Variants in UNC79 observed in about 807,000 individuals in gnomAD.
The protein encoded by UNC79 is unc-79 subunit of NALCN channel complex.
A neutral mutation model predicts 283.1 loss-of-function variants in UNC79; 37 were observed. That is an observed-to-expected ratio of 0.13 (90% CI 0.10 to 0.17). The LOEUF (loss-of-function observed/expected upper bound fraction) is 0.17. Among genes scored for constraint, UNC79 ranks in the 10% least tolerant of loss-of-function variants. The pLI, the probability that UNC79 is intolerant of heterozygous loss-of-function variation, is 1.00. For synonymous variants in UNC79, 1,107 were observed against 1,200.2 expected (o/e 0.92, Z 1.61); for missense variants, 2,272 against 3,211.1 (o/e 0.71, Z 7.07).
intron 5 of UNC79, among the ~76,000 whole-genome samples, chr14:93,493,512 G>C (rs1048740986): frequency 6.6e-6 from 1 of 152,160 alleles, no homozygotes; most frequent in African/African-American, 2.4e-5. Context: ...ATTTGCGTAA[G>C]CACTTCAAAG....
chr14:93,375,856 C>G (rs558716220), intron 1 of UNC79, among the ~76,000 whole-genome samples: 18 of 152,270 alleles, frequency 1.2e-4, no homozygotes, highest in African/African-American at 4.1e-4. Flanking sequence ...TACAATTTGA[C>G]ATGAGATTTG....
intron 1 of UNC79, chr14:93,348,063 C>A (rs1218280761): frequency 1.2e-6 from 2 of 1,612,734 alleles, no homozygotes; most frequent in East Asian, 2.2e-5. Context: ...TTTTTACGAC[C>A]TTCTTAACAC....
intron 33 of UNC79, 92 bp from the exon 37 acceptor site, chr14:93,643,465 G>C: frequency 6.3e-7 from 1 of 1,592,896 alleles, no homozygotes; most frequent in South Asian, 1.1e-5. Flanking sequence ...ACTTTTCCAA[G>C]ACCTACTAAA....
chr14:93,698,476 G>GTT (rs71129655), intron 47 of UNC79, among the ~76,000 whole-genome samples: 9,322 of 78,552 alleles, frequency 0.12, 2,523 homozygotes, highest in Non-Finnish European at 0.13. Flanking sequence ...TTTAGTTTAG[G>GTT]TTTTTTTTTT....
chr14:93,566,325 A>G (rs1000717259), intron 14 of UNC79, among the ~76,000 whole-genome samples: 3 of 152,210 alleles, frequency 2.0e-5, no homozygotes, highest in African/African-American at 7.2e-5. Context: ...TGTGCTCAAG[A>G]GCAAGGGAGA....
intron 12 of UNC79, among the ~76,000 whole-genome samples, chr14:93,540,142 C>T (rs1343584139): frequency 2.6e-5 from 4 of 152,160 alleles, no homozygotes; most frequent in Non-Finnish European, 5.9e-5. Flanking sequence ...ATAAAACTTA[C>T]CAATACTGAG....
rs750753497 is a variant in UNC79, at chr14:93,617,320, A to G, written c.4224+16A>G. ...CCTTTACAAGGTGAGCTGGGTGGTC[A>G]CTGCTGTTTTGGATGCAATGGTTCT... is the stretch of plus-strand genomic sequence containing the variant. On this transcript the variant is annotated intron_variant, in intron 28 of 48. Coordinates refer to ENST00000555664, the Ensembl canonical transcript of UNC79. This position sits in a 1 kb window ranked among gnomAD's most constrained non-coding sequence, Gnocchi z 4.5. 2 of 1,612,950 alleles carry G rather than the reference A, an allele frequency of 1.2e-6. No homozygotes were observed. The highest frequency in any genetic ancestry group is 1.1e-5 in the South Asian group (1 of 90,780).
intron 7 of UNC79, among the ~76,000 whole-genome samples, chr14:93,504,615 C>G (rs981649751): frequency 6.6e-6 from 1 of 151,550 alleles, no homozygotes; most frequent in Admixed American, 6.6e-5. Flanking sequence ...ATATTATTGT[C>G]AATTATATAT....
At chr14:93,361,808 A>C (rs761850600) in intron 1 of UNC79, among the ~76,000 whole-genome samples, 2 of 152,166 alleles carry the variant, frequency 1.3e-5, no homozygotes, top group Non-Finnish European at 2.9e-5. Flanking sequence ...TTACACATTC[A>C]GTGTGATGAT....
intron 1 of UNC79, among the ~76,000 whole-genome samples, chr14:93,344,790 A>T (rs2053788721): frequency 6.6e-6 from 1 of 152,208 alleles, no homozygotes; most frequent in Non-Finnish European, 1.5e-5. Context: ...ACTGGGCAGG[A>T]TGAGCCAAGG....
chr14:93,467,708 C>A, exon 2 of UNC79: 1 of 1,282,342 alleles, frequency 7.8e-7, no homozygotes, highest in Non-Finnish European at 1.0e-6. Context: ...AATATCATAA[C>A]CGGGTTCTCC....
At chr14:93,622,978 C>A in intron 30 of UNC79, 137 bp downstream of exon 32, 1 of 1,150,908 alleles carries the variant, frequency 8.7e-7, no homozygotes, top group Non-Finnish European at 1.2e-6. Context: ...GCTTCTCAAT[C>A]ACTCTGAATC....
intron 34 of UNC79, 50 bp downstream of exon 37, chr14:93,643,747 T>A: frequency 6.3e-7 from 1 of 1,594,680 alleles, no homozygotes; most frequent in Non-Finnish European, 8.5e-7. Flanking sequence ...TTATTCAGTC[T>A]CTATCTTGAA....
intron 27 of UNC79, among the ~76,000 whole-genome samples, chr14:93,615,838 C>A (rs139384303): frequency 6.6e-6 from 1 of 150,958 alleles, no homozygotes; most frequent in African/African-American, 2.4e-5. Flanking sequence ...CCAGAAAACC[C>A]GTGTCAAAAA....
At chr14:93,602,598 T>C (rs1036748669) in intron 25 of UNC79, among the ~76,000 whole-genome samples, 4 of 152,150 alleles carry the variant, frequency 2.6e-5, no homozygotes, top group African/African-American at 9.7e-5. Flanking sequence ...CTTTTTTTGG[T>C]TCCGTAGGAA....
At chr14:93,547,993 A>G (rs1036762343) in intron 14 of UNC79, among the ~76,000 whole-genome samples, 40 of 152,290 alleles carry the variant, frequency 2.6e-4, no homozygotes, top group African/African-American at 9.4e-4. Flanking sequence ...TCTCAAAAAA[A>G]CAAACAACAA....
rs577082287 is a variant in UNC79, at chr14:93,644,736, A to G, written c.6044+1039A>G. 8.6e-4 allele frequency among the ~76,000 whole-genome samples: 131 copies of G among 152,344 alleles called. 2 individuals carry two copies. The highest frequency in any genetic ancestry group is 3.0e-3 in the African/African-American group (126 of 41,586). The stretch of plus-strand genomic sequence containing the variant: ...TGCTAAAATTTAATCCTTTTTTAAA[A>G]ATGAAAAAATGTTGACTTCAAGTTG... On this transcript the variant is annotated intron_variant, in intron 34 of 48. Transcript: ENST00000555664.
intron 2 of UNC79, among the ~76,000 whole-genome samples, chr14:93,470,124 G>A (rs970992403): frequency 6.6e-5 from 10 of 152,120 alleles, no homozygotes; most frequent in South Asian, 2.1e-4. Context: ...GAATTCTCAC[G>A]AAGTAACTAT....
At chr14:93,385,777 CAA>C (rs1277669969) in intron 1 of UNC79, among the ~76,000 whole-genome samples, 5 of 143,268 alleles carry the variant, frequency 3.5e-5, no homozygotes, top group African/African-American at 2.5e-5. Context: ...AGACTGTCCC[CAA>C]AAAAAAAAAA....
Sources: gnomAD v4.1 joint callset for allele counts (sites outside exome capture counted in the v4.1 genomes callset) on GRCh38, gnomAD v4.1.1 for gene constraint, Gnocchi (gnomAD v3.1) non-coding constraint, MANE v1.5 for transcripts, NCBI Gene and HGNC (gene_info 2026-07-23, HGNC 2026-07-21) for gene names.